MYO16: variants seen among roughly 807,000 people sequenced by gnomAD.
MYO16 encodes unconventional myosin-XVI.
MYO16 carries 94 observed loss-of-function variants against 205.3 expected under a neutral mutation model. That is an observed-to-expected ratio of 0.46 (90% CI 0.39 to 0.54). The LOEUF (loss-of-function observed/expected upper bound fraction) is 0.54. MYO16 is among the 20% of genes least tolerant of loss of function. The pLI, the probability that MYO16 is intolerant of heterozygous loss-of-function variation, is 0.00. For synonymous variants in MYO16, 988 were observed against 954.0 expected (o/e 1.04, Z -0.66); for missense variants, 2,315 against 2,387.5 (o/e 0.97, Z 0.63).
intron 28 of MYO16, among the ~76,000 whole-genome samples, chr13:109,118,328 G>T (rs1875825037): frequency 6.6e-6 from 1 of 152,258 alleles, no homozygotes; most frequent in Admixed American, 6.5e-5. Context: ...CAATGCTCAA[G>T]ATAAACCTCC....
intron 27 of MYO16, among the ~76,000 whole-genome samples, chr13:109,089,048 A>G (rs927644656): frequency 2.0e-5 from 3 of 152,044 alleles, no homozygotes; most frequent in Non-Finnish European, 4.4e-5. Context: ...AATACTAGTA[A>G]CAAAAACAAC....
chr13:108,821,161 T>C (rs1232270687), intron 8 of MYO16, among the ~76,000 whole-genome samples: 2 of 152,120 alleles, frequency 1.3e-5, no homozygotes, highest in Non-Finnish European at 2.9e-5. Flanking sequence ...TATAAATACA[T>C]TATTCCTCTT....
At chr13:109,061,682 A>G (rs1414712288) in intron 27 of MYO16, among the ~76,000 whole-genome samples, 2 of 152,170 alleles carry the variant, frequency 1.3e-5, no homozygotes, top group Non-Finnish European at 2.9e-5. Flanking sequence ...ACCACAGGTC[A>G]CCATAACAGA....
chr13:108,865,418 G>A (rs1038888212), intron 11 of MYO16, among the ~76,000 whole-genome samples: 1 of 151,510 alleles, frequency 6.6e-6, no homozygotes, highest in Non-Finnish European at 1.5e-5. Flanking sequence ...TTTATTTCTG[G>A]TACTGCTTCC....
chr13:108,664,801 C>G (rs1422508196), intron 1 of MYO16, among the ~76,000 whole-genome samples: 3 of 152,194 alleles, frequency 2.0e-5, no homozygotes, highest in Non-Finnish European at 4.4e-5. Context: ...AGTGTTTATA[C>G]AATTCCATTA....
chr13:108,806,631 A>C (rs1265602664), intron 6 of MYO16, 48 bp from the exon 7 acceptor site: 1 of 1,576,946 alleles, frequency 6.3e-7, no homozygotes, highest in African/African-American at 1.3e-5. Context: ...AACTGCATGA[A>C]TATCACTACT....
At chr13:108,633,180 G>C (rs1037088675) in intron 1 of MYO16, among the ~76,000 whole-genome samples, 1 of 152,176 alleles carries the variant, frequency 6.6e-6, no homozygotes, top group African/African-American at 2.4e-5. Context: ...TTTATATGTT[G>C]TATTAGTCAG....
intron 34 of MYO16, among the ~76,000 whole-genome samples, chr13:109,206,017 T>G (rs1184364847): frequency 1.3e-5 from 2 of 152,166 alleles, no homozygotes; most frequent in Non-Finnish European, 2.9e-5. Context: ...GTGACTGCCT[T>G]TTGGAACACC....
chr13:108,753,383 A>AAAAAAAAAAAAACAAAAAC (rs1555344224), intron 4 of MYO16, among the ~76,000 whole-genome samples: 3 of 147,724 alleles, frequency 2.0e-5, no homozygotes, highest in African/African-American at 8.0e-5. Context: ...AAAAAAAAAA[A>AAAAAAAAAAAAACAAAAAC]AAAAAAAAAA....
chr13:108,852,542 A>G (rs1271083712), intron 10 of MYO16, among the ~76,000 whole-genome samples: 2 of 152,184 alleles, frequency 1.3e-5, no homozygotes, highest in Non-Finnish European at 2.9e-5. Flanking sequence ...TATTCAGCAG[A>G]AGAACCTTCC....
rs950037040 is a variant in MYO16, at chr13:109,074,735, CA to C, written c.3335+19145del. Among the ~76,000 whole-genome samples the C allele has an allele frequency of 2.6e-5, 4 of 152,116 alleles. No individual in the cohort carries two copies. In the South Asian group the frequency reaches 6.2e-4, roughly 24 times the overall value. On this transcript the variant is annotated intron_variant, in intron 27 of 34. Coordinates refer to ENST00000457511, the MANE Select transcript of MYO16 (RefSeq NM_001198950.3). ...CAGATCTCATGAGAACTCACTATCA[CA>C]AAAACAGCATGGGGGAACTGCTACA...
chr13:109,109,435 G>T (rs991633516), intron 28 of MYO16, among the ~76,000 whole-genome samples: 1 of 152,112 alleles, frequency 6.6e-6, no homozygotes, highest in African/African-American at 2.4e-5. Context: ...TTTAGAGAGG[G>T]TAGAACATGA....
chr13:109,023,729 G>A (rs1196377118), intron 23 of MYO16, among the ~76,000 whole-genome samples: 47 of 128,916 alleles, frequency 3.6e-4, no homozygotes, highest in Non-Finnish European at 2.8e-4. Context: ...ATGTATATAT[G>A]CATATATACA....
chr13:108,757,652 C>T (rs1885465409), intron 4 of MYO16, among the ~76,000 whole-genome samples: 1 of 152,026 alleles, frequency 6.6e-6, no homozygotes, highest in Non-Finnish European at 1.5e-5. Context: ...ACAACAGGCC[C>T]CAGTGTGTGA....
chr13:108,656,232 A>G (rs1249615783), intron 1 of MYO16, among the ~76,000 whole-genome samples: 2 of 152,076 alleles, frequency 1.3e-5, no homozygotes, highest in Non-Finnish European at 2.9e-5. Context: ...TTTCCCCCAT[A>G]CTACTCTCGT....
At chr13:109,204,872 C>T (rs1056032146) in intron 34 of MYO16, among the ~76,000 whole-genome samples, 5 of 152,104 alleles carry the variant, frequency 3.3e-5, no homozygotes, top group Admixed American at 1.3e-4. Flanking sequence ...AAGGTGCTTA[C>T]GAAAGCACCT....
At chr13:108,918,437 CTG>C (rs1881597522) in intron 16 of MYO16, among the ~76,000 whole-genome samples, 1 of 152,192 alleles carries the variant, frequency 6.6e-6, no homozygotes, top group African/African-American at 2.4e-5. Context: ...CTCTATGAGA[CTG>C]TTACTAATAT....
the MYO16 span, among the ~76,000 whole-genome samples, chr13:108,500,693 C>T: frequency 6.6e-6 from 1 of 152,174 alleles, no homozygotes; most frequent in Non-Finnish European, 1.5e-5. Context: ...CGGATCCAAT[C>T]TTCATCATGC....
At chr13:109,104,287 G>A (rs1485187261) in intron 28 of MYO16, among the ~76,000 whole-genome samples, 1 of 152,160 alleles carries the variant, frequency 6.6e-6, no homozygotes, top group Admixed American at 6.5e-5. Context: ...TACAAGCTTT[G>A]ATCAAAGGCA....
Sources: gnomAD v4.1 joint callset for allele counts (sites outside exome capture counted in the v4.1 genomes callset) on GRCh38, gnomAD v4.1.1 for gene constraint, MANE v1.5 for transcripts, NCBI Gene and HGNC (gene_info 2026-07-23, HGNC 2026-07-21) for gene names.